Variants in SPIDR observed in about 807,000 individuals in gnomAD.
The protein encoded by SPIDR is scaffold protein involved in DNA repair.
In SPIDR, 93 loss-of-function variants were observed where a neutral mutation model predicts 104.6. That is an observed-to-expected ratio of 0.89 (90% CI 0.75 to 1.06). SPIDR has a LOEUF of 1.06. Among genes scored for constraint, SPIDR ranks in the 50% least tolerant of loss-of-function variants. The pLI is 0.00. For synonymous variants in SPIDR, 431 were observed against 416.9 expected, an observed-to-expected ratio of 1.03 and a Z score of -0.41; for missense variants, 1,154 against 1,111.2, an observed-to-expected ratio of 1.04 and a Z score of -0.55.
chr8:47,644,312 G>GC (rs1315165100), intron 10 of SPIDR, among the ~76,000 whole-genome samples: 1 of 152,242 alleles, frequency 6.6e-6, no homozygotes, highest in Non-Finnish European at 1.5e-5. Context: ...CTGAACGGAA[G>GC]CTGATGTCAG....
At chr8:47,724,854 C>T (rs2083974656) in intron 16 of SPIDR, among the ~76,000 whole-genome samples, 1 of 152,082 alleles carries the variant, frequency 6.6e-6, no homozygotes, top group African/African-American at 2.4e-5. Flanking sequence ...CTGGGGTGTG[C>T]GGAAATGTTT....
At chr8:47,534,359 T>G (rs983540382) in intron 8 of SPIDR, among the ~76,000 whole-genome samples, 1 of 152,220 alleles carries the variant, frequency 6.6e-6, no homozygotes, top group Non-Finnish European at 1.5e-5. Flanking sequence ...CTGTTCACAA[T>G]AGCAAAGACA....
At chr8:47,602,556 T>C (rs2062424684) in intron 10 of SPIDR, among the ~76,000 whole-genome samples, 1 of 152,172 alleles carries the variant, frequency 6.6e-6, no homozygotes, top group Non-Finnish European at 1.5e-5. Flanking sequence ...TAGTTGCCCC[T>C]TCCCCACCCA....
At chr8:47,535,132 A>G (rs1318831884) in intron 8 of SPIDR, among the ~76,000 whole-genome samples, 1 of 152,202 alleles carries the variant, frequency 6.6e-6, no homozygotes, top group East Asian at 1.9e-4. Context: ...CATTTATTAA[A>G]GAAAATCAGT....
intron 5 of SPIDR, among the ~76,000 whole-genome samples, chr8:47,338,398 A>G (rs1178162795): frequency 6.6e-6 from 1 of 152,244 alleles, no homozygotes; most frequent in Non-Finnish European, 1.5e-5. Context: ...ATTCGTATAT[A>G]TTACAGTGGA....
intron 5 of SPIDR, among the ~76,000 whole-genome samples, chr8:47,363,699 C>A (rs2056622477): frequency 6.6e-6 from 1 of 151,868 alleles, no homozygotes; most frequent in Non-Finnish European, 1.5e-5. Flanking sequence ...AAAAATACTC[C>A]CTTTCTGATT....
intron 8 of SPIDR, among the ~76,000 whole-genome samples, chr8:47,569,545 C>T (rs543470560): frequency 6.6e-6 from 1 of 152,234 alleles, no homozygotes; most frequent in South Asian, 2.1e-4. Context: ...TTAAAATATT[C>T]AGGTCTTACA....
At chr8:47,492,471 T>A (rs2078870291) in intron 8 of SPIDR, among the ~76,000 whole-genome samples, 1 of 152,206 alleles carries the variant, frequency 6.6e-6, no homozygotes, top group Admixed American at 6.5e-5. Context: ...TGATTGTAAA[T>A]CAGTGATTAG....
At chr8:47,338,283 C>T (rs2050131089) in intron 5 of SPIDR, among the ~76,000 whole-genome samples, 1 of 152,156 alleles carries the variant, frequency 6.6e-6, no homozygotes, top group African/African-American at 2.4e-5. Context: ...TGTTGTTCTA[C>T]TTTTATGGTA....
At chr8:47,699,511 T>A (rs2079839849) in intron 11 of SPIDR, among the ~76,000 whole-genome samples, 1 of 152,146 alleles carries the variant, frequency 6.6e-6, no homozygotes, top group African/African-American at 2.4e-5. Context: ...ACAACTGAAA[T>A]CATAACTGTT....
intron 5 of SPIDR, among the ~76,000 whole-genome samples, chr8:47,321,679 A>G (rs1465196382): frequency 6.6e-6 from 1 of 152,196 alleles, no homozygotes; most frequent in Non-Finnish European, 1.5e-5. Flanking sequence ...GCATCGTGCT[A>G]CCTGACTTCA....
chr8:47,290,953 A>C (rs2039808858), intron 3 of SPIDR, 80 bp from the exon 4 acceptor site: 2 of 1,114,424 alleles, frequency 1.8e-6, no homozygotes, highest in South Asian at 3.8e-5. Context: ...GACTTTGGCA[A>C]AATTACATGC....
intron 1 of SPIDR, among the ~76,000 whole-genome samples, chr8:47,261,208 G>A (rs1381865811): frequency 6.6e-6 from 1 of 152,214 alleles, no homozygotes; most frequent in Non-Finnish European, 1.5e-5. Context: ...TGCGGGCCGG[G>A]CCCTCAGCGG....
chr8:47,460,678 T>C (rs2073791569), intron 8 of SPIDR, among the ~76,000 whole-genome samples: 1 of 152,228 alleles, frequency 6.6e-6, no homozygotes, highest in Non-Finnish European at 1.5e-5. Context: ...TGAGGTACTG[T>C]TTCATTCATC....
intron 7 of SPIDR, among the ~76,000 whole-genome samples, chr8:47,439,839 C>T (rs538089448): frequency 2.3e-4 from 35 of 152,312 alleles, no homozygotes; most frequent in Middle Eastern, 6.8e-3. Flanking sequence ...CCACATAACT[C>T]TTCAACTGTT....
chr8:47,381,081 A>G (rs1473681569), intron 5 of SPIDR, among the ~76,000 whole-genome samples: 6 of 152,336 alleles, frequency 3.9e-5, no homozygotes, highest in Admixed American at 3.9e-4. Context: ...ACGCGTAAAC[A>G]GAGAGCATTC....
intron 8 of SPIDR, among the ~76,000 whole-genome samples, chr8:47,589,225 A>G (rs558936363): frequency 3.6e-4 from 55 of 152,106 alleles, no homozygotes; most frequent in Admixed American, 5.2e-4. Context: ...TGGGAGTTTT[A>G]AAATTACAAA....
chr8:47,299,152 C>T (rs1209955983), intron 5 of SPIDR, among the ~76,000 whole-genome samples: 2 of 152,128 alleles, frequency 1.3e-5, no homozygotes, highest in African/African-American at 4.8e-5. Flanking sequence ...TGTAGTTCTC[C>T]TTGAAGAGGT....
intron 5 of SPIDR, among the ~76,000 whole-genome samples, chr8:47,309,749 A>C (rs1554583681): frequency 6.6e-6 from 1 of 152,252 alleles, no homozygotes; most frequent in Non-Finnish European, 1.5e-5. Context: ...GTTAAAAAGT[A>C]GTAAGTTGGC....
Sources: gnomAD v4.1 joint callset for allele counts (sites outside exome capture counted in the v4.1 genomes callset) on GRCh38, gnomAD v4.1.1 for gene constraint, MANE v1.5 for transcripts, NCBI Gene and HGNC (gene_info 2026-07-23, HGNC 2026-07-21) for gene names.